The following LRP1B variants were observed in gnomAD, a reference collection of about 807,000 sequenced individuals.
LRP1B encodes the protein low-density lipoprotein receptor-related protein 1B.
Under a neutral mutation model 556.6 loss-of-function variants are expected in LRP1B, and 217 were observed. That is an observed-to-expected ratio of 0.39 (90% CI 0.35 to 0.44). LRP1B has a LOEUF of 0.44. Among genes scored for constraint, LRP1B ranks in the 20% least tolerant of loss-of-function variants. LRP1B has a pLI of 1.00. For missense variants in LRP1B, 5,053 were observed against 5,620.8 expected (o/e 0.90, Z 3.23); for synonymous variants, 2,047 against 1,865.8 (o/e 1.10, Z -2.50).
intron 11 of LRP1B, among the ~76,000 whole-genome samples, chr2:141,046,110 G>T (rs1698862427): frequency 6.6e-6 from 1 of 152,040 alleles, no homozygotes; most frequent in Non-Finnish European, 1.5e-5. Flanking sequence ...GATTTTTTTG[G>T]AAATGTTGTT....
At chr2:141,573,074 A>AT (rs1686594016) in intron 2 of LRP1B, among the ~76,000 whole-genome samples, 9 of 152,224 alleles carry the variant, frequency 5.9e-5, no homozygotes, top group Non-Finnish European at 1.2e-4. Flanking sequence ...TCAAGACTTA[A>AT]ACTCAGCTCT....
intron 3 of LRP1B, among the ~76,000 whole-genome samples, chr2:141,315,303 A>G (rs1190082380): frequency 9.3e-6 from 1 of 107,712 alleles, no homozygotes; most frequent in Non-Finnish European, 1.7e-5. Context: ...TCTGTCGCCC[A>G]GGGTGGAGTG....
chr2:142,028,773 C>A (rs1437812606), intron 1 of LRP1B, among the ~76,000 whole-genome samples: 1 of 151,922 alleles, frequency 6.6e-6, no homozygotes, highest in Admixed American at 6.6e-5. Flanking sequence ...ACATTTTGCA[C>A]TCTCCTCAGC....
intron 2 of LRP1B, among the ~76,000 whole-genome samples, chr2:141,480,813 G>A (rs4271710): frequency 6.6e-6 from 1 of 151,842 alleles, no homozygotes; most frequent in Non-Finnish European, 1.5e-5. Context: ...AAAATCTGAG[G>A]GTTGATTGAG....
chr2:140,481,989 T>C (rs1020761833), intron 59 of LRP1B, among the ~76,000 whole-genome samples: 2 of 152,176 alleles, frequency 1.3e-5, no homozygotes, highest in African/African-American at 4.8e-5. Flanking sequence ...AGCTACTTCT[T>C]ACTCTACCAT....
chr2:140,615,989 T>G (rs1053155045), intron 41 of LRP1B, among the ~76,000 whole-genome samples: 3 of 152,146 alleles, frequency 2.0e-5, no homozygotes, highest in Middle Eastern at 3.4e-3. Context: ...TTACGTTTGT[T>G]GAATTCCCTA....
chr2:142,047,451 A>G (rs983935147), intron 1 of LRP1B, among the ~76,000 whole-genome samples: 4 of 152,050 alleles, frequency 2.6e-5, no homozygotes, highest in Admixed American at 2.6e-4. Context: ...AGGTTTGCTT[A>G]TTGATAATTT....
At chr2:141,052,404 T>G (rs1699062169) in intron 10 of LRP1B, among the ~76,000 whole-genome samples, 1 of 151,986 alleles carries the variant, frequency 6.6e-6, no homozygotes, top group African/African-American at 2.4e-5. Context: ...GTCAAGCCAT[T>G]AAAAAGTCTT....
chr2:141,044,677 C>T (rs1166829056), intron 11 of LRP1B, among the ~76,000 whole-genome samples: 1 of 151,814 alleles, frequency 6.6e-6, no homozygotes, highest in African/African-American at 2.4e-5. Context: ...AAATGCTCAT[C>T]ATCACTGGCC....
At chr2:140,322,388 G>C (rs906129144) in intron 81 of LRP1B, among the ~76,000 whole-genome samples, 1 of 151,964 alleles carries the variant, frequency 6.6e-6, no homozygotes, top group African/African-American at 2.4e-5. Context: ...CATAAGAGTT[G>C]GTCCTAGAAC....
intron 31 of LRP1B, among the ~76,000 whole-genome samples, chr2:140,835,878 G>T (rs1384116779): frequency 1.3e-5 from 2 of 152,152 alleles, no homozygotes; most frequent in African/African-American, 2.4e-5. Flanking sequence ...CAGGACTCCT[G>T]CGTCCATGTG....
chr2:141,147,784 A>G (rs533203538), intron 7 of LRP1B, among the ~76,000 whole-genome samples: 14 of 152,298 alleles, frequency 9.2e-5, no homozygotes, highest in African/African-American at 2.9e-4. Context: ...CACATACCAC[A>G]TAATAACATT....
At chr2:140,486,582 A>C (rs1471558946) in intron 58 of LRP1B, among the ~76,000 whole-genome samples, 1 of 151,904 alleles carries the variant, frequency 6.6e-6, no homozygotes, top group African/African-American at 2.4e-5. Flanking sequence ...CAAAAATAGT[A>C]AAGTATCTTA....
intron 72 of LRP1B, among the ~76,000 whole-genome samples, chr2:140,361,379 T>TATATATATAA (rs1190166439): frequency 7.7e-5 from 10 of 130,586 alleles, no homozygotes; most frequent in Admixed American, 3.1e-4. Context: ...TATATATATA[T>TATATATATAA]AACAAAAATA....
At chr2:140,846,440 C>T (rs1317079166) in intron 29 of LRP1B, among the ~76,000 whole-genome samples, 1 of 151,896 alleles carries the variant, frequency 6.6e-6, no homozygotes, top group Non-Finnish European at 1.5e-5. Flanking sequence ...GCCTGTAATC[C>T]CAGCTACTCG....
chr2:140,572,056 G>T (rs116310397), intron 43 of LRP1B, among the ~76,000 whole-genome samples: 32 of 151,592 alleles, frequency 2.1e-4, no homozygotes, highest in Non-Finnish European at 4.1e-4. Context: ...AAACATAAAG[G>T]AAATGCTTTA....
At chr2:141,289,996 C>A (rs893983349) in intron 3 of LRP1B, among the ~76,000 whole-genome samples, 3 of 152,110 alleles carry the variant, frequency 2.0e-5, no homozygotes, top group African/African-American at 7.2e-5. Flanking sequence ...GAATGAAGAA[C>A]TTGAGGCTCA....
intron 3 of LRP1B, among the ~76,000 whole-genome samples, chr2:141,399,120 G>A (rs1191487447): frequency 1.3e-5 from 2 of 152,028 alleles, no homozygotes; most frequent in Non-Finnish European, 2.9e-5. Flanking sequence ...GCTGGGCGTG[G>A]TGGCGCACTC....
At chr2:141,010,351 T>C (rs1253768465) in intron 14 of LRP1B, among the ~76,000 whole-genome samples, 3 of 152,078 alleles carry the variant, frequency 2.0e-5, no homozygotes, top group Admixed American at 1.3e-4. Context: ...GGAAAGCTTA[T>C]ACATTTTACC....
Sources: gnomAD v4.1 joint callset for allele counts (sites outside exome capture counted in the v4.1 genomes callset) on GRCh38, gnomAD v4.1.1 for gene constraint, MANE v1.5 for transcripts, NCBI Gene and HGNC (gene_info 2026-07-23, HGNC 2026-07-21) for gene names.